The following PRDM2 variants were observed in gnomAD, a reference collection of about 807,000 sequenced individuals.
PRDM2 encodes PR domain zinc finger protein 2.
In PRDM2, 30 loss-of-function variants were observed where a neutral mutation model predicts 130.0. The observed-to-expected ratio is 0.23, with a 90% CI of 0.17 to 0.31. The LOEUF (loss-of-function observed/expected upper bound fraction) is 0.31, where lower values mean the gene tolerates loss of function less well. Among genes scored for constraint, PRDM2 ranks in the 10% least tolerant of loss-of-function variants. The pLI is 1.00. For synonymous variants in PRDM2, 871 were observed against 782.4 expected (o/e 1.11, Z -1.89); for missense variants, 2,011 against 2,108.4 (o/e 0.95, Z 0.90).
At chr1:13,739,642 A>ATCCCT (rs1643379493) in intron 4 of PRDM2, among the ~76,000 whole-genome samples, 1 of 152,216 alleles carries the variant, frequency 6.6e-6, no homozygotes, top group Admixed American at 6.5e-5. Context: ...ATTGGAAGCA[A>ATCCCT]TTTACAGTAA....
At chr1:13,770,099 C>G (rs1644324433) in intron 6 of PRDM2, among the ~76,000 whole-genome samples, 1 of 152,146 alleles carries the variant, frequency 6.6e-6, no homozygotes, top group African/African-American at 2.4e-5. Context: ...GGGATCCCCT[C>G]CTTAGTCCTC....
chr1:13,780,035 G>A lies in PRDM2; in HGVS notation c.2240G>A (p.Ser747Asn). The A allele has an allele frequency of 6.2e-7, 1 of 1,614,194 alleles. No homozygotes were observed. The highest frequency in any genetic ancestry group is 8.5e-7 in the Non-Finnish European group (1 of 1,180,034). Residue 747 changes from serine (S) to asparagine (N), a missense_variant, in exon 8 of 10, where the codon AGT becomes AAT. Physicochemically the swap from Ser to Asn is conservative, Grantham distance 46 (BLOSUM62 1). Transcript: ENST00000311066. The part of the protein sequence containing the change: ...TSSPPSSPQH[S>N]PALRDFGKPS... ...TCTCCTCCCAGTTCTCCACAGCACA[G>A]TCCTGCCCTTCGAGACTTTGGAAAG...
chr1:13,727,121 C>T (rs529411415), intron 2 of PRDM2, among the ~76,000 whole-genome samples: 52 of 152,270 alleles, frequency 3.4e-4, no homozygotes, highest in Non-Finnish European at 5.6e-4. Context: ...CTGGATACTG[C>T]GTTTCCTCTT....
At chr1:13,768,074 GTTTTTTTTTTT>G (rs774757778) in intron 6 of PRDM2, among the ~76,000 whole-genome samples, 165 of 117,740 alleles carry the variant, frequency 1.4e-3, no homozygotes, top group African/African-American at 4.8e-3. Context: ...TTGTCCTTGA[GTTTTTTTTTTT>G]TTTTTTTTTT....
In PRDM2 at chr1:13,783,052, T is replaced by C. The variant is rs887835166; in HGVS notation, c.5036+221T>C. The stretch of plus-strand genomic sequence containing the variant: ...TTAGGACTCACAAAGCAGTGCCACT[T>C]CTTTAATGTGGCCAGATGTAAATTG... On this transcript the variant is annotated intron_variant, in intron 8 of 9. Coordinates refer to ENST00000311066, the MANE Select transcript of PRDM2 (RefSeq NM_001393986.1). The C allele has an allele frequency of 8.6e-6, 9 of 1,049,384 alleles. No individual in the cohort carries two copies. The African/African-American group carries it at 1.5e-4, about 17-fold the overall frequency. 65.0% of individuals were successfully genotyped at this position (1,049,384 alleles called of 1,614,324 possible). A position where few individuals can be genotyped will look rare whatever the true frequency, so the allele number is the denominator to read the frequency against.
At chr1:13,709,786 T>C (rs775635607) in intron 1 of PRDM2, among the ~76,000 whole-genome samples, 2 of 152,226 alleles carry the variant, frequency 1.3e-5, no homozygotes, top group Non-Finnish European at 2.9e-5. Context: ...ATAAACTTCC[T>C]GAATCATGAA....
At chr1:13,804,747 G>T (rs1645061867) in intron 8 of PRDM2, among the ~76,000 whole-genome samples, 1 of 152,322 alleles carries the variant, frequency 6.6e-6, no homozygotes, top group Non-Finnish European at 1.5e-5. Flanking sequence ...CAGGCATCAG[G>T]ATCGGTTTAG....
At chr1:13,724,563 C>T (rs369169199) in intron 2 of PRDM2, among the ~76,000 whole-genome samples, 1 of 148,908 alleles carries the variant, frequency 6.7e-6, no homozygotes, top group East Asian at 2.0e-4. Flanking sequence ...GGCACGATCT[C>T]GGCTCACTGC....
Position 13,774,955 on chromosome 1 carries a change from G to A in PRDM2, c.622+1767G>A, listed in dbSNP as rs533920815. On this transcript the variant is annotated intron_variant, in intron 7 of 9. Coordinates refer to ENST00000311066, the MANE Select transcript of PRDM2 (RefSeq NM_001393986.1). ...TGCACTCCAGCCTGGGCGACAGAGC[G>A]AGACTCCGTCTCAAAAAAAAAAAAA... 4.1e-5 allele frequency among the ~76,000 whole-genome samples: 6 copies of A among 147,916 alleles called. 1 individual carries two copies. Among genetic ancestry groups the A allele is most frequent in the South Asian group, 2.2e-4 (1 of 4,640 alleles).
At chr1:13,786,448 T>A (rs1194939356) in intron 8 of PRDM2, 3 of 1,575,618 alleles carry the variant, frequency 1.9e-6, no homozygotes, top group Non-Finnish European at 1.7e-6. Context: ...CACCTTTTTC[T>A]TTAACATGGT....
Position 13,806,572 on chromosome 1 carries a change from A to G in PRDM2, c.5037-9855A>G, listed in dbSNP as rs1213451574. ...CAGCTAGACTCCAACCTCTTCCTCC[A>G]TCCCCACATCCAGCTCATCAGCAGA... is the stretch of plus-strand genomic sequence containing the variant. On this transcript the variant is annotated intron_variant, in intron 8 of 9. Coordinates refer to ENST00000311066, the MANE Select transcript of PRDM2 (RefSeq NM_001393986.1). The surrounding 1 kb of genome is among the most constrained non-coding windows in gnomAD (Gnocchi z 4.1). 6.6e-6 allele frequency among the ~76,000 whole-genome samples: 1 copy of G among 151,926 alleles called. No individual in the cohort carries two copies.
At chr1:13,760,666 C>T (rs76782694) in intron 6 of PRDM2, among the ~76,000 whole-genome samples, 1 of 152,136 alleles carries the variant, frequency 6.6e-6, no homozygotes, top group Admixed American at 6.5e-5. Flanking sequence ...ATGTTTTGGT[C>T]CTTAATTTTT....
intron 9 of PRDM2, among the ~76,000 whole-genome samples, chr1:13,821,271 A>AC (rs1460141887): frequency 6.6e-6 from 1 of 152,086 alleles, no homozygotes; most frequent in Admixed American, 6.5e-5. Context: ...TCCATAAACA[A>AC]CTGGTATTAT....
chr1:13,726,095 A>G (rs1310868570), intron 2 of PRDM2, among the ~76,000 whole-genome samples: 1 of 152,260 alleles, frequency 6.6e-6, no homozygotes, highest in Non-Finnish European at 1.5e-5. Flanking sequence ...AGAAGTGCCT[A>G]TAGCAATTGG....
At chr1:13,711,137 G>C (rs1642358408) in intron 1 of PRDM2, among the ~76,000 whole-genome samples, 1 of 151,604 alleles carries the variant, frequency 6.6e-6, no homozygotes, top group South Asian at 2.1e-4. Flanking sequence ...TCAGTGATAC[G>C]CTTGGAAAGA....
At chr1:13,744,639 C>T (rs1557613950) in intron 5 of PRDM2, among the ~76,000 whole-genome samples, 1 of 151,852 alleles carries the variant, frequency 6.6e-6, no homozygotes, top group Non-Finnish European at 1.5e-5. Context: ...TTAAACAAGC[C>T]AATATATATA....
intron 6 of PRDM2, among the ~76,000 whole-genome samples, chr1:13,760,471 C>T (rs146579463): frequency 3.6e-4 from 55 of 152,132 alleles, no homozygotes; most frequent in Non-Finnish European, 4.3e-4. Flanking sequence ...CTGGAGTGTG[C>T]GTGTATGTTG....
chr1:13,707,499 G>A (rs1215844422), intron 1 of PRDM2, among the ~76,000 whole-genome samples: 2 of 152,172 alleles, frequency 1.3e-5, no homozygotes, highest in African/African-American at 4.8e-5. Context: ...CCTTAGTCAA[G>A]AATTGATTTA....
intron 7 of PRDM2, among the ~76,000 whole-genome samples, chr1:13,774,962 C>T (rs988030198): frequency 4.1e-5 from 6 of 145,480 alleles, no homozygotes; most frequent in African/African-American, 7.4e-5. Flanking sequence ...AGCGAGACTC[C>T]GTCTCAAAAA....
Sources: gnomAD v4.1 joint callset for allele counts (sites outside exome capture counted in the v4.1 genomes callset) on GRCh38, gnomAD v4.1.1 for gene constraint, Gnocchi (gnomAD v3.1) non-coding constraint, MANE v1.5 for transcripts, NCBI Gene and HGNC (gene_info 2026-07-23, HGNC 2026-07-21) for gene names.